The following CHL1 variants were observed in gnomAD, a reference collection of about 807,000 sequenced individuals.
CHL1 encodes neural cell adhesion molecule L1-like protein.
A neutral mutation model predicts 141.9 loss-of-function variants in CHL1; 96 were observed. The ratio of observed to expected loss-of-function variants is 0.68; its 90% confidence interval spans 0.57 to 0.80. The LOEUF is 0.80. Among genes scored for constraint, CHL1 ranks in the 30% least tolerant of loss-of-function variants. CHL1 has a pLI of 0.00. For missense variants in CHL1, 1,820 were observed against 1,457.2 expected, an observed-to-expected ratio of 1.25 and a Z score of -4.05; for synonymous variants, 613 against 502.2, an observed-to-expected ratio of 1.22 and a Z score of -2.95.
intron 18 of CHL1, 155 bp downstream of exon 18, chr3:382,826 A>G (rs771375148): frequency 1.5e-6 from 1 of 673,562 alleles, no homozygotes; most frequent in Non-Finnish European, 2.5e-6. Context: ...TATTCAAAGC[A>G]CACAAGTTTC....
chr3:264,850 T>C (rs1695025379), intron 2 of CHL1, among the ~76,000 whole-genome samples: 1 of 152,220 alleles, frequency 6.6e-6, no homozygotes, highest in Admixed American at 6.5e-5. Flanking sequence ...CAACACTGTG[T>C]AAACATTCCT....
At chr3:335,998 T>A (rs181030264) in intron 5 of CHL1, among the ~76,000 whole-genome samples, 5 of 152,316 alleles carry the variant, frequency 3.3e-5, no homozygotes, top group African/African-American at 1.2e-4. Flanking sequence ...ATATTTAAAT[T>A]TCAACATAAA....
chr3:405,706 G>T lies in CHL1; in HGVS notation c.3670G>T (p.Ala1224Ser). The change falls in exon 28 of 28, where the codon GCA becomes TCA. Residue 1224 changes from alanine to serine, a missense_variant. By Grantham distance (99) the Ala-to-Ser change is moderately conservative. Coordinates refer to ENST00000256509, the MANE Select transcript of CHL1 (RefSeq NM_006614.4). ...TTCTACAGCAACTTTTCCCCTTCGG[G>T]CATAAACACAACATATGTAAGCAAC... is the stretch of plus-strand genomic sequence containing the variant. ...GSSTATFPLR[A>S] is the part of the protein sequence containing the mutation. The T allele has an allele frequency of 1.2e-6, 2 of 1,611,816 alleles. No homozygotes were observed. Among genetic ancestry groups the T allele is most frequent in the Non-Finnish European group, 1.7e-6 (2 of 1,178,244 alleles).
intron 1 of CHL1, among the ~76,000 whole-genome samples, chr3:235,136 A>G (rs1363014589): frequency 1.3e-5 from 2 of 151,988 alleles, no homozygotes; most frequent in Admixed American, 6.6e-5. Context: ...TATATCTCCC[A>G]ATGCTATCCC....
intron 2 of CHL1, among the ~76,000 whole-genome samples, chr3:271,637 G>C (rs1270355840): frequency 6.6e-6 from 1 of 152,124 alleles, no homozygotes; most frequent in Non-Finnish European, 1.5e-5. Context: ...AATGAACATT[G>C]GCATAAATAG....
At chr3:228,647 T>C (rs1318950758) in intron 1 of CHL1, among the ~76,000 whole-genome samples, 2 of 152,194 alleles carry the variant, frequency 1.3e-5, no homozygotes, top group East Asian at 1.9e-4. Context: ...GAGTGTGTTA[T>C]CGCAGCAATT....
intron 11 of CHL1, among the ~76,000 whole-genome samples, chr3:358,213 C>T (rs1703888116): frequency 6.6e-6 from 1 of 152,016 alleles, no homozygotes; most frequent in Non-Finnish European, 1.5e-5. Context: ...GAGAGCATTC[C>T]TTCGTTTGCC....
intron 2 of CHL1, among the ~76,000 whole-genome samples, chr3:305,485 G>A (rs868456677): frequency 9.9e-5 from 15 of 152,042 alleles, no homozygotes; most frequent in South Asian, 2.1e-4. Flanking sequence ...AAAAGTTTAA[G>A]ATCTTTCACA....
intron 1 of CHL1, among the ~76,000 whole-genome samples, chr3:237,388 T>C (rs1692099734): frequency 6.6e-6 from 1 of 152,250 alleles, no homozygotes; most frequent in Non-Finnish European, 1.5e-5. Flanking sequence ...ATTAAACCTC[T>C]TTTCTTTATA....
intron 9 of CHL1, among the ~76,000 whole-genome samples, chr3:347,670 C>T (rs1354662825): frequency 6.6e-6 from 1 of 152,118 alleles, no homozygotes; most frequent in Non-Finnish European, 1.5e-5. Flanking sequence ...AGTTCCAGAG[C>T]AGCCTATAAC....
chr3:320,551 G>C (rs1196152189), intron 3 of CHL1, among the ~76,000 whole-genome samples: 1 of 152,106 alleles, frequency 6.6e-6, no homozygotes, highest in Admixed American at 6.6e-5. Flanking sequence ...GCAGGACATG[G>C]TGACACATGA....
At chr3:299,822 G>T (rs1027403846) in intron 2 of CHL1, among the ~76,000 whole-genome samples, 1 of 152,038 alleles carries the variant, frequency 6.6e-6, no homozygotes, top group African/African-American at 2.4e-5. Context: ...GTGCCTCTGC[G>T]AACACCCACA....
intron 2 of CHL1, among the ~76,000 whole-genome samples, chr3:273,881 A>C (rs555932275): frequency 6.6e-6 from 1 of 152,258 alleles, no homozygotes; most frequent in African/African-American, 2.4e-5. Context: ...GTAACCAGAT[A>C]ATTCTTTCTG....
At chr3:259,868 T>G (rs998086235) in intron 2 of CHL1, among the ~76,000 whole-genome samples, 2 of 152,202 alleles carry the variant, frequency 1.3e-5, no homozygotes, top group Non-Finnish European at 2.9e-5. Flanking sequence ...CCCGTTTAAC[T>G]TACTTTTCTA....
chr3:252,234 C>A (rs1339654945), intron 2 of CHL1, among the ~76,000 whole-genome samples: 1 of 150,948 alleles, frequency 6.6e-6, no homozygotes, highest in Non-Finnish European at 1.5e-5. Flanking sequence ...ATTGGAGCCT[C>A]TTCTTGACTC....
At chr3:341,735 T>G (rs1378797698) in intron 6 of CHL1, among the ~76,000 whole-genome samples, 177 bp from the exon 7 acceptor site, 1 of 152,162 alleles carries the variant, frequency 6.6e-6, no homozygotes, top group Non-Finnish European at 1.5e-5. Context: ...CTGCTGTTTT[T>G]GTTTTGTTTT....
intron 5 of CHL1, among the ~76,000 whole-genome samples, chr3:338,910 C>G (rs565933401): frequency 6.6e-6 from 1 of 152,098 alleles, no homozygotes; most frequent in Non-Finnish European, 1.5e-5. Context: ...TTTTTTTTAA[C>G]GCTCTCAGGG....
chr3:361,839 G>A (rs778392496), intron 13 of CHL1, 29 bp downstream of exon 13: 1 of 1,397,436 alleles, frequency 7.2e-7, no homozygotes, highest in Non-Finnish European at 1.0e-6. Flanking sequence ...GTTTTCTTAA[G>A]AGAATGTCAA....
intron 15 of CHL1, among the ~76,000 whole-genome samples, chr3:368,656 A>C (rs1705212064): frequency 1.3e-5 from 2 of 152,188 alleles, no homozygotes; most frequent in African/African-American, 4.8e-5. Context: ...TTTCATCATG[A>C]AGTCTTTGCC....
Sources: gnomAD v4.1 joint callset for allele counts (sites outside exome capture counted in the v4.1 genomes callset) on GRCh38, gnomAD v4.1.1 for gene constraint, MANE v1.5 for transcripts, NCBI Gene and HGNC (gene_info 2026-07-23, HGNC 2026-07-21) for gene names.